Variants in CTCFL observed in about 807,000 individuals in gnomAD.
CTCFL encodes transcriptional repressor CTCFL.
CTCFL carries 36 observed loss-of-function variants against 67.4 expected under a neutral mutation model. The observed-to-expected ratio is 0.53, with a 90% CI of 0.41 to 0.71. CTCFL has a LOEUF of 0.71. Among genes scored for constraint, CTCFL ranks in the 30% least tolerant of loss-of-function variants. CTCFL has a pLI of 0.00. For missense variants in CTCFL, 786 were observed against 835.2 expected (o/e 0.94, Z 0.73); for synonymous variants, 324 against 302.3 (o/e 1.07, Z -0.75).
chr20:57,502,293 G>C (rs1176342672), intron 10 of CTCFL, among the ~76,000 whole-genome samples: 4 of 152,266 alleles, frequency 2.6e-5, no homozygotes, highest in Non-Finnish European at 5.9e-5. Context: ...TCCACACAGA[G>C]GGAGTGGGAA....
At chr20:57,523,447 T>A (rs1035480846) in intron 2 of CTCFL, among the ~76,000 whole-genome samples, 169 bp from the exon 3 acceptor site, 4 of 152,240 alleles carry the variant, frequency 2.6e-5, no homozygotes, top group South Asian at 2.1e-4. Context: ...CACTTTTTTT[T>A]AAAACATAAT....
At chr20:57,523,629 C>A in intron 2 of CTCFL, 34 bp downstream of exon 2, 1 of 1,570,304 alleles carries the variant, frequency 6.4e-7, no homozygotes, top group Non-Finnish European at 8.6e-7. Flanking sequence ...TTTTCTTTTT[C>A]ATGTAAGGGG....
intron 8 of CTCFL, among the ~76,000 whole-genome samples, chr20:57,512,268 C>T (rs1297364454): frequency 2.6e-5 from 4 of 152,272 alleles, no homozygotes; most frequent in Non-Finnish European, 4.4e-5. Flanking sequence ...TGCCTTGATC[C>T]GGGCTAAGGA....
At chr20:57,522,801 C>T (rs2069482064) in intron 3 of CTCFL, among the ~76,000 whole-genome samples, 1 of 152,218 alleles carries the variant, frequency 6.6e-6, no homozygotes, top group African/African-American at 2.4e-5. Flanking sequence ...AACTAGGCAG[C>T]AGAGACCAGG....
intron 6 of CTCFL, 47 bp from the exon 7 acceptor site, chr20:57,514,788 G>C: frequency 6.4e-7 from 1 of 1,569,652 alleles, no homozygotes; most frequent in Admixed American, 1.9e-5. Flanking sequence ...CCTGATCCTT[G>C]CCAAAGGCCA....
At chr20:57,498,996 T>C (rs1287645881) in intron 10 of CTCFL, among the ~76,000 whole-genome samples, 1 of 138,804 alleles carries the variant, frequency 7.2e-6, no homozygotes, top group East Asian at 2.1e-4. Context: ...TACCACTAGA[T>C]GCCAGTAGCA....
rs2146426633 is a variant in CTCFL, at chr20:57,519,290, C to T, written c.842G>A (p.Ser281Asn). 1 of 1,614,154 alleles carries T rather than the reference C, an allele frequency of 6.2e-7. No individual in the cohort carries two copies. The highest frequency in any genetic ancestry group is 8.5e-7 in the Non-Finnish European group (1 of 1,180,024). The part of the protein sequence containing the change: ...SFNRHMKTHT[S>N]EKPHLCHLCL... ...GAGGTGACACAGGTGAGGCTTCTCA[C>T]TGGTGTGAGTTTTCATATGACGATT... Residue 281 changes from serine (S) to asparagine (N), a missense_variant, in exon 4 of 11, where the codon AGT becomes AAT. Transcript: ENST00000243914.
chr20:57,506,901 T>C (rs975822233), intron 9 of CTCFL: 48 of 985,240 alleles, frequency 4.9e-5, no homozygotes, highest in Admixed American at 6.1e-5. Context: ...TTTAAACTAA[T>C]AGGGTTGACA....
downstream of CTCFL, chr20:57,496,116 A>G (rs984371862): frequency 2.5e-6 from 1 of 404,830 alleles, no homozygotes. Context: ...GTAGGAGGTG[A>G]CTGGATCACG....
In CTCFL at chr20:57,514,735, T is replaced by G. The variant is rs1422713543; in HGVS notation, c.1187A>C (p.Lys396Thr). The change falls in exon 7 of 11, where the codon AAG becomes ACG. Residue 396 changes from lysine (K) to threonine (T), a missense_variant. By Grantham distance (78) the Lys-to-Thr change is moderately conservative. Around this residue, in one of 3 missense-constraint regions of CTCFL, gnomAD observed 254 missense variants for 333.9 expected, o/e 0.76. Coordinates refer to ENST00000243914, the MANE Select transcript of CTCFL (RefSeq NM_001386993.1). ...KRHMRTHSGE[K>T]PYECHICHTR... ...GTGGCAGATGTGGCATTCGTAAGGC[T>G]TCTCACCTGAGATGCAGACAACAAA... The G allele has an allele frequency of 1.2e-6, 2 of 1,613,898 alleles. No individual in the cohort carries two copies. The highest frequency in any genetic ancestry group is 1.7e-6 in the Non-Finnish European group (2 of 1,179,934).
At chr20:57,499,365 C>A (rs1426365220) in intron 10 of CTCFL, among the ~76,000 whole-genome samples, 1 of 152,146 alleles carries the variant, frequency 6.6e-6, no homozygotes, top group Non-Finnish European at 1.5e-5. Flanking sequence ...GTATCCATAA[C>A]CTGCTCCCCC....
At chr20:57,518,453 G>C in intron 5 of CTCFL, 1 of 1,232,186 alleles carries the variant, frequency 8.1e-7, no homozygotes, top group Non-Finnish European at 1.1e-6. Context: ...TTGTGGCCCA[G>C]AGTACTAGAT....
At chr20:57,496,338 A>T, downstream of CTCFL, 1 of 683,658 alleles carries the variant, frequency 1.5e-6, no homozygotes, top group Non-Finnish European at 2.7e-6. Context: ...AGATACCAAC[A>T]TCATCCTTCC....
intron 7 of CTCFL, chr20:57,513,736 A>G (rs2068711723): frequency 1.6e-6 from 2 of 1,214,814 alleles, no homozygotes; most frequent in African/African-American, 3.2e-5. Flanking sequence ...AGGTTTTCAA[A>G]AAAATTCATC....
At chr20:57,503,215 G>C (rs549625264) in intron 10 of CTCFL, among the ~76,000 whole-genome samples, 1 of 152,370 alleles carries the variant, frequency 6.6e-6, no homozygotes, top group East Asian at 1.9e-4. Context: ...GCTCCTCGGG[G>C]TGGGGGCCAC....
rs533993188 is a variant in CTCFL at position 57,511,047 on chromosome 20, G to A, written c.1491+1545C>T. ...CTGCTATTACACTAAAATTCAGTTAGTAGTAATTTCTTTTTTTAGGGTCTC... is the reference window on the plus strand; with the variant it reads ...CTGCTATTACACTAAAATTCAGTTAATAGTAATTTCTTTTTTTAGGGTCTC... On this transcript the variant is annotated intron_variant, in intron 8 of 10. Coordinates refer to ENST00000243914, the MANE Select transcript of CTCFL (RefSeq NM_001386993.1). Among the ~76,000 whole-genome samples, 5 of 152,180 alleles carry A rather than the reference G, an allele frequency of 3.3e-5. No homozygotes were observed. In the East Asian group the frequency reaches 9.7e-4, roughly 29 times the overall value.
chr20:57,499,162 G>A lies in CTCFL; in HGVS notation c.1841-461C>T, dbSNP rs192859399. On this transcript the variant is annotated intron_variant, in intron 10 of 10. Transcript: ENST00000243914. The stretch of plus-strand genomic sequence containing the variant: ...GGATCTTACAGATTTATATCGAGGC[G>A]GATCTCAGAGATTTATATTGTGGCT... Among the ~76,000 whole-genome samples the A allele has an allele frequency of 2.3e-3, 349 of 151,558 alleles. 2 individuals are homozygous for A. Among genetic ancestry groups the A allele is most frequent in the African/African-American group, 7.6e-3 (316 of 41,374 alleles).
At position 57,497,637 on chromosome 20, in the gene CTCFL, A is replaced by G; in HGVS notation, c.*913T>C. On this transcript the variant is annotated 3_prime_UTR_variant, in exon 11 of 11. Transcript: ENST00000243914. ...ACTGGCAAAAGGGAAATACTCACTAATCACTGGGCATTATGAAAAAGTACA... is the reference window on the plus strand; with the variant it reads ...ACTGGCAAAAGGGAAATACTCACTAGTCACTGGGCATTATGAAAAAGTACA... 2 of 981,754 alleles carry G rather than the reference A, an allele frequency of 2.0e-6. No individual in the cohort carries two copies. Among genetic ancestry groups the G allele is most frequent in the Non-Finnish European group, 2.4e-6 (2 of 829,868 alleles). 60.8% of individuals were successfully genotyped at this position (981,754 alleles called of 1,614,324 possible).
chr20:57,512,614 T>C lies in CTCFL; in HGVS notation c.1469A>G (p.His490Arg). The change falls in exon 8 of 11, where the codon CAC (histidine) becomes CGC (arginine). Residue 490 changes from histidine to arginine, a missense_variant. This residue lies in a region of CTCFL where 254 missense variants were observed against 333.9 expected (regional missense o/e 0.76). Transcript: ENST00000243914. ...TACCTGCTTGCAGGCATAACTGCAG[T>C]GTTTGCACTTGAACCTCTTCTCATT... is the stretch of plus-strand genomic sequence containing the variant. ...HKNEKRFKCK[H>R]CSYACKQERH... 1.9e-6 allele frequency: 3 copies of C among 1,614,246 alleles called. No individual in the cohort carries two copies. The highest frequency in any genetic ancestry group is 1.7e-5 in the Admixed American group (1 of 60,032).
Sources: gnomAD v4.1 joint callset for allele counts (sites outside exome capture counted in the v4.1 genomes callset) on GRCh38, gnomAD v4.1.1 for gene constraint, gnomAD v4.1.1 regional missense constraint, MANE v1.5 for transcripts, NCBI Gene and HGNC (gene_info 2026-07-23, HGNC 2026-07-21) for gene names.